Variants in RELN observed in about 807,000 individuals in gnomAD.
RELN encodes the protein reelin.
A neutral mutation model predicts 427.6 loss-of-function variants in RELN; 108 were observed. The observed-to-expected ratio is 0.25, with a 90% confidence interval of 0.22 to 0.30. RELN has a LOEUF of 0.30. Ranked by LOEUF, RELN falls within the 10% of genes least tolerant of loss-of-function variation. The pLI is 1.00. For missense variants in RELN, 3,715 were observed against 4,302.8 expected, an observed-to-expected ratio of 0.86 and a Z score of 3.82; for synonymous variants, 1,524 against 1,513.4, an observed-to-expected ratio of 1.01 and a Z score of -0.16.
intron 11 of RELN, among the ~76,000 whole-genome samples, chr7:103,670,435 T>C (rs1235951271): frequency 6.6e-6 from 1 of 152,128 alleles, no homozygotes; most frequent in Non-Finnish European, 1.5e-5. Context: ...TGTGAAATAA[T>C]GAAGGTCTAT....
chr7:103,565,617 T>C, intron 33 of RELN, 66 bp from the exon 34 acceptor site: 2 of 1,484,006 alleles, frequency 1.3e-6, no homozygotes, highest in Non-Finnish European at 1.9e-6. Flanking sequence ...TGTTTATGCT[T>C]ATAATAAACA....
At chr7:103,767,934 T>G (rs1388643701) in intron 4 of RELN, among the ~76,000 whole-genome samples, 1 of 152,182 alleles carries the variant, frequency 6.6e-6, no homozygotes, top group African/African-American at 2.4e-5. Flanking sequence ...CCTGCTATAT[T>G]TTAGTGGTCT....
At chr7:103,773,851 T>C (rs1417098298) in intron 4 of RELN, among the ~76,000 whole-genome samples, 1 of 152,080 alleles carries the variant, frequency 6.6e-6, no homozygotes, top group Non-Finnish European at 1.5e-5. Flanking sequence ...CAGGCAAACT[T>C]AGCTACCTCT....
At chr7:103,816,530 AACACACACACACACACAC>A (rs57873981) in intron 3 of RELN, among the ~76,000 whole-genome samples, 1 of 143,638 alleles carries the variant, frequency 7.0e-6, no homozygotes, top group South Asian at 2.3e-4. Flanking sequence ...TTTCTCTAGA[AACACACACACACACACAC>A]ACACACACAC....
intron 53 of RELN, among the ~76,000 whole-genome samples, chr7:103,498,989 A>G (rs189907158): frequency 1.3e-4 from 20 of 152,264 alleles, no homozygotes; most frequent in African/African-American, 3.1e-4. Flanking sequence ...ACATTCCCCA[A>G]TGGATTGTCC....
intron 1 of RELN, among the ~76,000 whole-genome samples, chr7:103,926,292 C>T (rs1320441950): frequency 6.6e-6 from 1 of 151,876 alleles, no homozygotes; most frequent in Non-Finnish European, 1.5e-5. Context: ...GATGGGGTTT[C>T]ACCATGTTGG....
intron 7 of RELN, among the ~76,000 whole-genome samples, chr7:103,724,075 A>T (rs1790142580): frequency 6.6e-6 from 1 of 152,170 alleles, no homozygotes; most frequent in Non-Finnish European, 1.5e-5. Context: ...AATTCTGTAC[A>T]CTACAATATA....
At chr7:103,724,605 C>G (rs750992087) in intron 7 of RELN, among the ~76,000 whole-genome samples, 4 of 152,224 alleles carry the variant, frequency 2.6e-5, no homozygotes, top group Non-Finnish European at 5.9e-5. Flanking sequence ...CCTCTGCTAG[C>G]GAACAGCAAG....
At chr7:103,690,890 C>T (rs1833859131) in intron 10 of RELN, among the ~76,000 whole-genome samples, 1 of 152,082 alleles carries the variant, frequency 6.6e-6, no homozygotes, top group African/African-American at 2.4e-5. Flanking sequence ...TTTTCTTCCA[C>T]ATGGGAAGTT....
chr7:103,672,958 T>A (rs906277285), intron 11 of RELN, among the ~76,000 whole-genome samples: 1 of 152,136 alleles, frequency 6.6e-6, no homozygotes. Flanking sequence ...TCCTTGCTGC[T>A]TCTGTTACAT....
chr7:103,671,636 CT>C (rs766755372), intron 11 of RELN, among the ~76,000 whole-genome samples: 1 of 151,954 alleles, frequency 6.6e-6, no homozygotes, highest in African/African-American at 2.4e-5. Flanking sequence ...AGTGTTTTTA[CT>C]TTTTTCATGC....
At chr7:103,508,605 TCTCTTAGCTCTC>T (rs2117055281) in intron 51 of RELN, among the ~76,000 whole-genome samples, 1 of 109,504 alleles carries the variant, frequency 9.1e-6, no homozygotes, top group South Asian at 3.9e-4. Context: ...AAGGATGCCC[TCTCTTAGCTCTC>T]TCTCTTATTC....
In RELN at chr7:103,490,673, G is replaced by T; in HGVS notation, c.9600C>A (p.Ser3200=). 1 of 1,614,162 alleles carries T rather than the reference G, an allele frequency of 6.2e-7. No individual in the cohort carries two copies. The highest frequency in any genetic ancestry group is 8.5e-7 in the Non-Finnish European group (1 of 1,180,032). The part of the protein sequence containing the change: ...RITIQLPDHV[S]SSATQFRWIQ... The stretch of plus-strand genomic sequence containing the variant: ...TACCTTAATTTGCAACCTACCTAGA[G>T]GAGACATGGTCAGGCAGCTGGATGG... The change falls in exon 59 of 65, where the codon TCC becomes TCA. Residue 3200 remains serine (S), a synonymous_variant. Coordinates refer to ENST00000428762, the MANE Select transcript of RELN (RefSeq NM_005045.4).
At chr7:103,736,636 C>T (rs1247026677) in intron 6 of RELN, among the ~76,000 whole-genome samples, 1 of 152,154 alleles carries the variant, frequency 6.6e-6, no homozygotes, top group Admixed American at 6.5e-5. Flanking sequence ...AATAACACCT[C>T]TAAAATCTTA....
intron 1 of RELN, among the ~76,000 whole-genome samples, chr7:103,954,651 G>C (rs1202878047): frequency 6.6e-6 from 1 of 152,092 alleles, no homozygotes; most frequent in African/African-American, 2.4e-5. Flanking sequence ...ACCAAGTTCT[G>C]GCATGGAATC....
At chr7:103,793,641 C>A (rs1236759439) in intron 3 of RELN, among the ~76,000 whole-genome samples, 2 of 152,064 alleles carry the variant, frequency 1.3e-5, no homozygotes, top group Non-Finnish European at 2.9e-5. Context: ...ACTTTAGAGG[C>A]TAGTGAAAAA....
At chr7:103,704,843 T>A (rs1470593815) in intron 8 of RELN, among the ~76,000 whole-genome samples, 1 of 152,180 alleles carries the variant, frequency 6.6e-6, no homozygotes, top group Non-Finnish European at 1.5e-5. Context: ...TCCAGGCTTC[T>A]ACTCTCAAGC....
At chr7:103,745,789 A>G (rs2116043177) in intron 6 of RELN, among the ~76,000 whole-genome samples, 1 of 152,156 alleles carries the variant, frequency 6.6e-6, no homozygotes, top group Middle Eastern at 3.4e-3. Context: ...ATGGAAGAAC[A>G]TTCCATGCTC....
chr7:103,475,733 T>G (rs1828010890), intron 64 of RELN, among the ~76,000 whole-genome samples: 1 of 152,172 alleles, frequency 6.6e-6, no homozygotes, highest in African/African-American at 2.4e-5. Context: ...AATTATTTAC[T>G]TATTATGGAG....
Sources: allele counts gnomAD v4.1 joint callset (sites outside exome capture counted in the v4.1 genomes callset), GRCh38; gene constraint gnomAD v4.1.1; transcripts MANE v1.5; gene names NCBI Gene and HGNC (gene_info 2026-07-23, HGNC 2026-07-21).